DOCK1: variants seen among roughly 807,000 people sequenced by gnomAD.
The protein encoded by DOCK1 is dedicator of cytokinesis 1, also known as dedicator of cytokinesis protein 1.
A neutral mutation model predicts 262.7 loss-of-function variants in DOCK1; 138 were observed. The ratio of observed to expected loss-of-function variants is 0.53; its 90% CI spans 0.46 to 0.61. The LOEUF (loss-of-function observed/expected upper bound fraction) is 0.61. DOCK1 is among the 20% of genes least tolerant of loss of function. The pLI is 0.00. For synonymous variants in DOCK1, 866 were observed against 867.4 expected (o/e 1.00, Z 0.03); for missense variants, 1,908 against 2,370.7 (o/e 0.80, Z 4.05).
At chr10:127,354,122 C>T (rs566559728) in intron 31 of DOCK1, among the ~76,000 whole-genome samples, 2 of 152,130 alleles carry the variant, frequency 1.3e-5, no homozygotes, top group Non-Finnish European at 2.9e-5. Flanking sequence ...ATGCACCCAT[C>T]GAGAGGAAAA....
intron 38 of DOCK1, among the ~76,000 whole-genome samples, chr10:127,396,387 T>C (rs2066847870): frequency 6.6e-6 from 1 of 152,210 alleles, no homozygotes; most frequent in African/African-American, 2.4e-5. Context: ...TTGTTCTCTG[T>C]CAGCTCCCAC....
rs2045735552 is a variant in DOCK1 at position 127,064,553 on chromosome 10, A to G, written c.2445+2777A>G. ...GACGCGTGGGCCAGTTTTTATGTTA[A>G]GTCAAATGTCCAGGAAACTCCACTG... On this transcript the variant is annotated intron_variant, in intron 23 of 51. Transcript: ENST00000623213. Among the ~76,000 whole-genome samples, 4 of 152,298 alleles carry G rather than the reference A, an allele frequency of 2.6e-5. No individual in the cohort carries two copies. In the South Asian group the frequency reaches 6.2e-4, roughly 24 times the overall value.
chr10:127,265,288 TCTTATA>T (rs1374513885), intron 29 of DOCK1, among the ~76,000 whole-genome samples: 1 of 152,202 alleles, frequency 6.6e-6, no homozygotes, highest in Non-Finnish European at 1.5e-5. Flanking sequence ...AATCAATTAA[TCTTATA>T]CTTGTCCTTT....
chr10:127,167,793 C>T (rs2054216117), intron 27 of DOCK1, among the ~76,000 whole-genome samples: 1 of 152,028 alleles, frequency 6.6e-6, no homozygotes. Context: ...CTTCATGTCT[C>T]CATTTAGTGA....
At chr10:127,116,804 A>G (rs1448405729) in intron 25 of DOCK1, among the ~76,000 whole-genome samples, 1 of 152,202 alleles carries the variant, frequency 6.6e-6, no homozygotes, top group Admixed American at 6.5e-5. Flanking sequence ...ATTTTGCCAC[A>G]TTCACTTAAT....
rs1254198646 is a variant in DOCK1, at chr10:127,138,044, C to G, written c.2847+10280C>G. On this transcript the variant is annotated intron_variant, in intron 27 of 51. Transcript: ENST00000623213. The stretch of plus-strand genomic sequence containing the variant: ...CACTAGAAAAGAGAGAGAGTGAAGA[C>G]TTTAGCATTTGATCTTTTCCATATG... 5 of 1,576,082 alleles carry G rather than the reference C, an allele frequency of 3.2e-6. No homozygotes were observed. The Admixed American group carries it at 5.8e-5, about 18-fold the overall frequency.
chr10:126,958,826 G>C (rs1429610173), intron 1 of DOCK1, among the ~76,000 whole-genome samples: 1 of 152,206 alleles, frequency 6.6e-6, no homozygotes, highest in African/African-American at 2.4e-5. Flanking sequence ...GTCAAAAAGA[G>C]TCGAACTCTG....
chr10:127,367,127 C>T (rs2064962135), intron 33 of DOCK1, among the ~76,000 whole-genome samples: 1 of 152,208 alleles, frequency 6.6e-6, no homozygotes, highest in South Asian at 2.1e-4. Flanking sequence ...TTAAACTGCA[C>T]CAAACCATTA....
intron 2 of DOCK1, among the ~76,000 whole-genome samples, chr10:126,975,352 C>T (rs768400790): frequency 3.3e-5 from 5 of 152,144 alleles, no homozygotes; most frequent in Non-Finnish European, 5.9e-5. Flanking sequence ...CTTTGGGCTG[C>T]GTTCCCAGGA....
chr10:127,281,734 A>G (rs1279763832), intron 29 of DOCK1, among the ~76,000 whole-genome samples: 3 of 152,202 alleles, frequency 2.0e-5, no homozygotes, highest in African/African-American at 7.2e-5. Flanking sequence ...CTGATCTCAC[A>G]TCAAGAGCCA....
intron 1 of DOCK1, among the ~76,000 whole-genome samples, chr10:126,965,751 G>C (rs1271980177): frequency 6.6e-6 from 1 of 152,018 alleles, no homozygotes; most frequent in Non-Finnish European, 1.5e-5. Context: ...TGTTTTCTCT[G>C]CATCAGTTGA....
At chr10:127,423,730 C>T (rs1319157967) in intron 46 of DOCK1, among the ~76,000 whole-genome samples, 2 of 152,174 alleles carry the variant, frequency 1.3e-5, no homozygotes, top group Admixed American at 6.5e-5. Context: ...AGGGGTGGTG[C>T]TCCTGGAGCA....
intron 33 of DOCK1, among the ~76,000 whole-genome samples, chr10:127,362,597 T>G (rs541917712): frequency 1.1e-4 from 16 of 152,228 alleles, no homozygotes; most frequent in Non-Finnish European, 2.2e-4. Context: ...TTTTGAAAGC[T>G]AAAGTCTTTG....
chr10:127,333,657 C>T (rs960154171), intron 29 of DOCK1, among the ~76,000 whole-genome samples: 3 of 152,294 alleles, frequency 2.0e-5, no homozygotes, highest in East Asian at 1.9e-4. Context: ...GCAAGGCTGG[C>T]GGGACCTCCT....
intron 23 of DOCK1, among the ~76,000 whole-genome samples, chr10:127,093,239 C>CCT (rs2047672299): frequency 1.1e-5 from 1 of 94,262 alleles, no homozygotes; most frequent in Non-Finnish European, 2.1e-5. Context: ...TTCTTTCTTT[C>CCT]TTCTTTTTTT....
chr10:127,322,108 A>G (rs188632355), intron 29 of DOCK1, among the ~76,000 whole-genome samples: 1 of 152,108 alleles, frequency 6.6e-6, no homozygotes, highest in Admixed American at 6.5e-5. Context: ...GTCTCAGAAA[A>G]AGAAAAAAAA....
chr10:127,257,718 TC>T (rs2059876912), intron 29 of DOCK1: 2 of 285,550 alleles, frequency 7.0e-6, no homozygotes, highest in Non-Finnish European at 1.3e-5. Context: ...GGGGTTCTGC[TC>T]GACGTCGCTC....
intron 18 of DOCK1, among the ~76,000 whole-genome samples, chr10:127,034,118 G>A (rs1048011464): frequency 5.3e-5 from 8 of 152,122 alleles, no homozygotes; most frequent in Admixed American, 2.0e-4. Flanking sequence ...TGGCATGCCC[G>A]AGGCATGTGC....
At chr10:126,986,001 T>C (rs7917310) in intron 4 of DOCK1, among the ~76,000 whole-genome samples, 44,830 of 151,932 alleles carry the variant, frequency 0.3, 7,139 homozygotes, top group South Asian at 0.42. Context: ...CGCACCACCA[T>C]GCCCGGCTGA....
Sources: allele counts gnomAD v4.1 joint callset (sites outside exome capture counted in the v4.1 genomes callset), GRCh38; gene constraint gnomAD v4.1.1; transcripts MANE v1.5; gene names NCBI Gene and HGNC (gene_info 2026-07-23, HGNC 2026-07-21).